The following ROBO2 variants were observed in gnomAD, a reference collection of about 807,000 sequenced individuals.
The protein encoded by ROBO2 is roundabout homolog 2.
In ROBO2, 53 loss-of-function variants were observed where a neutral mutation model predicts 160.8. The observed-to-expected ratio is 0.33, with a 90% CI of 0.26 to 0.41. The LOEUF (loss-of-function observed/expected upper bound fraction) is 0.41. ROBO2 is among the 10% of genes least tolerant of loss of function. The pLI is 1.00. For missense variants in ROBO2, 1,577 were observed against 1,722.4 expected (o/e 0.92, Z 1.49); for synonymous variants, 664 against 611.7 (o/e 1.09, Z -1.26).
At chr3:77,419,602 G>A (rs1360314269) in intron 2 of ROBO2, among the ~76,000 whole-genome samples, 2 of 152,092 alleles carry the variant, frequency 1.3e-5, no homozygotes, top group African/African-American at 4.8e-5. Flanking sequence ...TCTGCCTTCT[G>A]CAGCAAAACT....
At chr3:76,309,296 T>G (rs2071465872) in intron 2 of ROBO2, among the ~76,000 whole-genome samples, 1 of 152,234 alleles carries the variant, frequency 6.6e-6, no homozygotes, top group African/African-American at 2.4e-5. Context: ...CATTTTTAAG[T>G]ATGCAAAGAC....
chr3:77,025,844 G>A (rs902126061), intron 2 of ROBO2, among the ~76,000 whole-genome samples: 12 of 152,052 alleles, frequency 7.9e-5, no homozygotes, highest in Non-Finnish European at 1.6e-4. Context: ...TGGATGTTTT[G>A]CACCATATTG....
chr3:77,408,045 T>C (rs1404860745), intron 2 of ROBO2, among the ~76,000 whole-genome samples: 1 of 151,798 alleles, frequency 6.6e-6, no homozygotes, highest in Non-Finnish European at 1.5e-5. Context: ...CAATATATTA[T>C]GCATTTGGAT....
chr3:76,349,378 T>C (rs1576591799), intron 2 of ROBO2, among the ~76,000 whole-genome samples: 1 of 152,106 alleles, frequency 6.6e-6, no homozygotes, highest in Non-Finnish European at 1.5e-5. Flanking sequence ...CTATTTGAAG[T>C]ACTTTACATA....
intron 2 of ROBO2, among the ~76,000 whole-genome samples, chr3:76,264,755 C>T (rs895748032): frequency 1.3e-5 from 2 of 152,100 alleles, no homozygotes; most frequent in African/African-American, 2.4e-5. Flanking sequence ...GATTTTAATG[C>T]TCTTGTCCCT....
At chr3:76,387,540 TAATA>T (rs2076951440) in intron 2 of ROBO2, among the ~76,000 whole-genome samples, 1 of 152,222 alleles carries the variant, frequency 6.6e-6, no homozygotes, top group African/African-American at 2.4e-5. Context: ...AATAGGCAAT[TAATA>T]AATATTTGCT....
intron 2 of ROBO2, among the ~76,000 whole-genome samples, chr3:76,671,618 A>T (rs1028720098): frequency 1.8e-4 from 28 of 152,166 alleles, no homozygotes; most frequent in Admixed American, 6.6e-5. Flanking sequence ...CAACATTGAG[A>T]TATGGGAGAG....
intron 2 of ROBO2, among the ~76,000 whole-genome samples, chr3:76,603,159 G>C (rs1418088946): frequency 6.6e-6 from 1 of 150,426 alleles, no homozygotes; most frequent in Non-Finnish European, 1.5e-5. Context: ...GTGAAACCCC[G>C]TCTCTACTAA....
At chr3:76,593,285 G>A (rs1030275865) in intron 2 of ROBO2, among the ~76,000 whole-genome samples, 6 of 151,998 alleles carry the variant, frequency 3.9e-5, no homozygotes, top group East Asian at 1.9e-4. Context: ...GAGTTGTTGC[G>A]TTTAATTACT....
chr3:77,064,277 GA>G (rs1388647245), intron 1 of ROBO2, among the ~76,000 whole-genome samples: 1 of 150,740 alleles, frequency 6.6e-6, no homozygotes, highest in Non-Finnish European at 1.5e-5. Flanking sequence ...TCAAGCAAAG[GA>G]AAAAATGAGT....
chr3:77,283,675 C>T (rs1480534408), intron 2 of ROBO2, among the ~76,000 whole-genome samples: 1 of 151,978 alleles, frequency 6.6e-6, no homozygotes, highest in Admixed American at 6.6e-5. Context: ...AGCTTTTTCC[C>T]AGTATAAGTT....
At chr3:76,629,146 G>T (rs1047415246) in intron 2 of ROBO2, among the ~76,000 whole-genome samples, 1 of 152,180 alleles carries the variant, frequency 6.6e-6, no homozygotes, top group South Asian at 2.1e-4. Context: ...TAGCATATCT[G>T]GTTGTGCTCA....
At chr3:75,915,744 G>A (rs1946785493) in intron 1 of ROBO2, among the ~76,000 whole-genome samples, 1 of 151,960 alleles carries the variant, frequency 6.6e-6, no homozygotes, top group African/African-American at 2.4e-5. Flanking sequence ...GAGAAGAGTG[G>A]GTGATGTTGC....
At chr3:77,380,334 G>A (rs1196069451) in intron 2 of ROBO2, among the ~76,000 whole-genome samples, 4 of 152,154 alleles carry the variant, frequency 2.6e-5, no homozygotes, top group African/African-American at 7.2e-5. Flanking sequence ...CAGTGTTGAC[G>A]TAGATGTACT....
chr3:76,726,868 G>A (rs971355025), intron 2 of ROBO2, among the ~76,000 whole-genome samples: 2 of 152,090 alleles, frequency 1.3e-5, no homozygotes, highest in East Asian at 1.9e-4. Context: ...AAGCTATCTC[G>A]TACAGCTACA....
chr3:76,702,530 A>G (rs2093067412), intron 2 of ROBO2, among the ~76,000 whole-genome samples: 1 of 116,400 alleles, frequency 8.6e-6, no homozygotes, highest in African/African-American at 3.9e-5. Flanking sequence ...TGTGAAAGAC[A>G]GAGAGACAGA....
intron 1 of ROBO2, among the ~76,000 whole-genome samples, chr3:77,071,285 G>A (rs556325077): frequency 3.9e-5 from 6 of 152,066 alleles, no homozygotes; most frequent in South Asian, 2.1e-4. Context: ...TTCCAGGCCC[G>A]GAAAACTTAC....
chr3:76,520,205 C>A (rs894946558), intron 2 of ROBO2, among the ~76,000 whole-genome samples: 1 of 152,130 alleles, frequency 6.6e-6, no homozygotes, highest in Non-Finnish European at 1.5e-5. Flanking sequence ...AATCCCAGCA[C>A]TTTTGGAGGC....
chr3:77,309,039 T>C lies in ROBO2; in HGVS notation c.389-168375T>C, dbSNP rs185694192. On this transcript the variant is annotated intron_variant, in intron 2 of 25. Coordinates refer to ENST00000461745, the Ensembl canonical transcript of ROBO2. ...ATGATGGGCATAGGTACCCATATTATAGGGCTGAGATTCGGCTATTTATTG... is the reference window on the plus strand; with the variant it reads ...ATGATGGGCATAGGTACCCATATTACAGGGCTGAGATTCGGCTATTTATTG... Among the ~76,000 whole-genome samples, 200 of 149,296 alleles carry C rather than the reference T, an allele frequency of 1.3e-3. 2 individuals carry two copies. The highest frequency in any genetic ancestry group is 7.3e-4 in the Non-Finnish European group (49 of 67,574).
Sources: allele counts gnomAD v4.1 joint callset (sites outside exome capture counted in the v4.1 genomes callset), GRCh38; gene constraint gnomAD v4.1.1; transcripts MANE v1.5; gene names NCBI Gene and HGNC (gene_info 2026-07-23, HGNC 2026-07-21).